Variants in CROCC2 observed in about 807,000 individuals in gnomAD.
CROCC2 encodes ciliary rootlet coiled-coil, rootletin family member 2.
A neutral mutation model predicts 177.6 loss-of-function variants in CROCC2; 163 were observed. That is an observed-to-expected ratio of 0.92 (90% CI 0.81 to 1.05). The LOEUF (loss-of-function observed/expected upper bound fraction) is 1.05. Ranked by LOEUF, CROCC2 falls within the 50% of genes least tolerant of loss-of-function variation. CROCC2 has a pLI of 0.00. For synonymous variants in CROCC2, 904 were observed against 787.3 expected (o/e 1.15, Z -2.48); for missense variants, 1,929 against 1,797.8 (o/e 1.07, Z -1.32).
chr2:240,934,985 G>A lies in CROCC2; in HGVS notation c.1861G>A (p.Asp621Asn). Reference sequence around the variant, plus strand: ...GAAGTCGGAGGGAGTGGAGCAAAGGGACTCCCTGGCCGCAATGGCCGCCTT... The same window carrying A: ...GAAGTCGGAGGGAGTGGAGCAAAGGAACTCCCTGGCCGCAATGGCCGCCTT... ...RLKSEGVEQR[D>N]SLAAMAALME... Residue 621 changes from aspartate (D) to asparagine (N), a missense_variant, in exon 13 of 32, where the codon GAC becomes AAC. Around this residue, in one of 3 missense-constraint regions of CROCC2, gnomAD observed 1,397 missense variants for 1,239.9 expected, o/e 1.13. Coordinates refer to ENST00000690015, the MANE Select transcript of CROCC2 (RefSeq NM_001351305.2). 1 of 1,475,168 alleles carries A rather than the reference G, an allele frequency of 6.8e-7. No homozygotes were observed. Among genetic ancestry groups the A allele is most frequent in the Non-Finnish European group, 9.0e-7 (1 of 1,111,308 alleles). 91.4% of individuals were successfully genotyped at this position (1,475,168 alleles called of 1,614,324 possible).
At chr2:240,974,534 C>CTT (rs61276773) in intron 27 of CROCC2, among the ~76,000 whole-genome samples, 2,704 of 134,858 alleles carry the variant, frequency 0.02, 82 homozygotes, top group Middle Eastern at 0.047. Context: ...TCTTTTTTTT[C>CTT]TTTTTTTTTT....
chr2:240,964,723 C>A, intron 22 of CROCC2, 98 bp downstream of exon 22: 2 of 1,377,498 alleles, frequency 1.5e-6, no homozygotes, highest in Non-Finnish European at 9.7e-7. Context: ...GCCTTGCTGC[C>A]GCCTTTGAAC....
At chr2:240,938,760 A>G (rs749837160) in intron 14 of CROCC2, among the ~76,000 whole-genome samples, 1 of 152,308 alleles carries the variant, frequency 6.6e-6, no homozygotes, top group East Asian at 1.9e-4. Context: ...GTAGTTTTCA[A>G]TGTAGAGTTT....
At chr2:240,922,431 G>C in intron 3 of CROCC2, 108 bp from the exon 4 acceptor site, 1 of 582,166 alleles carries the variant, frequency 1.7e-6, no homozygotes, top group Non-Finnish European at 3.1e-6. Context: ...TGGGGCCCCA[G>C]GGAGCCCTCT....
chr2:240,914,135 G>A lies in CROCC2; in HGVS notation c.79-4591G>A, dbSNP rs143692733. Among the ~76,000 whole-genome samples the A allele has an allele frequency of 2.7e-4, 41 of 152,330 alleles. 2 individuals are homozygous for A. In the East Asian group the frequency reaches 7.7e-3, roughly 29 times the overall value. ...CAGGCTGGGAAGGGGGCACACAGGG[G>A]AGGAGAACTGCAGTGGAGCCAAGTC... On this transcript the variant is annotated intron_variant, in intron 1 of 31. Coordinates refer to ENST00000690015, the MANE Select transcript of CROCC2 (RefSeq NM_001351305.2).
chr2:240,940,889 TA>T (rs2059491380), intron 14 of CROCC2, among the ~76,000 whole-genome samples: 1 of 152,036 alleles, frequency 6.6e-6, no homozygotes, highest in Non-Finnish European at 1.5e-5. Context: ...TCCAAATCAG[TA>T]AAGAGGAAGT....
rs534607022 is a variant in CROCC2 at position 240,930,374 on chromosome 2, G to T, written c.749+105G>T. The stretch of plus-strand genomic sequence containing the variant: ...GCCCAGGGCGGGCTCTCCCGTGGGT[G>T]CAGTAGCCCTGGCCTGCCGGCTTCT... On this transcript the variant is annotated intron_variant, in intron 6 of 31. Transcript: ENST00000690015. 4 of 440,624 alleles carry T rather than the reference G, an allele frequency of 9.1e-6. No individual in the cohort carries two copies. In the East Asian group the frequency reaches 1.4e-4, roughly 15 times the overall value. The allele number at this position is 440,624 out of a possible 1,614,324, so 27.3% of individuals were successfully genotyped here.
intron 27 of CROCC2, chr2:240,981,881 C>T (rs185209705): frequency 6.6e-6 from 1 of 152,134 alleles, no homozygotes; most frequent in Non-Finnish European, 1.5e-5. Flanking sequence ...AGTCAACAAG[C>T]TTCCAATGAC....
chr2:240,907,525 C>A (rs575062537), intron 1 of CROCC2, among the ~76,000 whole-genome samples: 48 of 152,300 alleles, frequency 3.2e-4, no homozygotes, highest in African/African-American at 1.1e-3. Context: ...GGCAGGCTGA[C>A]ATGGCCCTAT....
rs1336232969 is a variant in CROCC2 at position 240,960,081 on chromosome 2, A to C, written c.3087+637A>C. On this transcript the variant is annotated intron_variant, in intron 20 of 31. Transcript: ENST00000690015. The surrounding 1 kb of genome is among the most constrained non-coding windows in gnomAD (Gnocchi z 5.0). ...TCAGGAAGGGCCTGACTCTGGAGGC[A>C]CTGGGGCAGCTGTCGCCTCCCAAAG... Among the ~76,000 whole-genome samples the C allele has an allele frequency of 6.6e-6, 1 of 152,236 alleles. No individual in the cohort carries two copies. Among genetic ancestry groups the C allele is most frequent in the African/African-American group, 2.4e-5 (1 of 41,462 alleles).
At chr2:240,965,265 C>G in intron 22 of CROCC2, 116 bp from the exon 23 acceptor site, 2 of 1,446,276 alleles carry the variant, frequency 1.4e-6, no homozygotes, top group Non-Finnish European at 1.9e-6. Flanking sequence ...CCCAAGCCTC[C>G]CTAAGTGTGG....
At chr2:240,934,234 G>A in intron 11 of CROCC2, 97 bp from the exon 12 acceptor site, 1 of 1,382,372 alleles carries the variant, frequency 7.2e-7, no homozygotes, top group Non-Finnish European at 9.8e-7. Context: ...GCCTCCCTGG[G>A]CTTGGAGGGA....
Position 240,968,281 on chromosome 2 carries a change from T to G in CROCC2, c.4401+19T>G, listed in dbSNP as rs1017714573. The G allele has an allele frequency of 6.6e-7, 1 of 1,518,660 alleles. No homozygotes were observed. The highest frequency in any genetic ancestry group is 8.8e-7 in the Non-Finnish European group (1 of 1,138,604). The allele number at this position is 1,518,660 out of a possible 1,614,324, so 94.1% of individuals were successfully genotyped here. A position where few individuals can be genotyped will look rare whatever the true frequency, so the allele number is the denominator to read the frequency against. On this transcript the variant is annotated intron_variant, in intron 27 of 31. Coordinates refer to ENST00000690015, the MANE Select transcript of CROCC2 (RefSeq NM_001351305.2). ...GCTGCAGGTGGGGCAGGCGGCAGGG[T>G]GGGTCCCAGGTGGGGCACAAGAACA...
At chr2:240,912,730 C>G (rs983842272) in intron 1 of CROCC2, among the ~76,000 whole-genome samples, 1 of 152,344 alleles carries the variant, frequency 6.6e-6, no homozygotes, top group Middle Eastern at 3.4e-3. Flanking sequence ...CCTCTCCCCT[C>G]CCCAGATGTC....
intron 1 of CROCC2, among the ~76,000 whole-genome samples, chr2:240,914,734 T>TC: frequency 6.6e-6 from 1 of 152,050 alleles, no homozygotes; most frequent in Admixed American, 6.5e-5. Context: ...ATGGACGTGC[T>TC]CCCCCTCCCG....
chr2:240,921,664 G>A (rs1463936049), intron 3 of CROCC2, among the ~76,000 whole-genome samples: 3 of 152,212 alleles, frequency 2.0e-5, no homozygotes, highest in Non-Finnish European at 2.9e-5. Flanking sequence ...CAGGCGGAAC[G>A]GGGTCTGGGT....
intron 19 of CROCC2, chr2:240,959,028 C>G: frequency 2.5e-6 from 1 of 395,910 alleles, no homozygotes; most frequent in Non-Finnish European, 4.6e-6. Context: ...TGCCCCAGGG[C>G]GCAGGCTGAG....
intron 28 of CROCC2, chr2:240,986,095 T>A (rs2059838934): frequency 1.3e-5 from 5 of 381,392 alleles, no homozygotes; most frequent in South Asian, 7.6e-5. Flanking sequence ...GCATGCGTTG[T>A]TTAAATGACT....
At chr2:240,965,024 A>G (rs1242427924) in intron 22 of CROCC2, among the ~76,000 whole-genome samples, 3 of 152,198 alleles carry the variant, frequency 2.0e-5, no homozygotes, top group African/African-American at 7.2e-5. Flanking sequence ...GGTGCTGGCA[A>G]GCCGGGTCCC....
Sources: gnomAD v4.1 joint callset for allele counts (sites outside exome capture counted in the v4.1 genomes callset) on GRCh38, gnomAD v4.1.1 for gene constraint, gnomAD v4.1.1 regional missense constraint, Gnocchi (gnomAD v3.1) non-coding constraint, MANE v1.5 for transcripts, NCBI Gene and HGNC (gene_info 2026-07-23, HGNC 2026-07-21) for gene names.